Variants in GLIS2 observed in about 807,000 individuals in gnomAD.
GLIS2 encodes zinc finger protein GLIS2.
A neutral mutation model predicts 35.6 loss-of-function variants in GLIS2; 14 were observed. The observed-to-expected ratio is 0.39, with a 90% confidence interval of 0.26 to 0.61. GLIS2 has a LOEUF of 0.61. Ranked by LOEUF, GLIS2 falls within the 20% of genes least tolerant of loss-of-function variation. The pLI is 0.48. For synonymous variants in GLIS2, 368 were observed against 325.1 expected (o/e 1.13, Z -1.42); for missense variants, 675 against 713.4 (o/e 0.95, Z 0.61).
At chr16:4,323,061 G>A (rs2053394886) in intron 1 of GLIS2, among the ~76,000 whole-genome samples, 1 of 152,240 alleles carries the variant, frequency 6.6e-6, no homozygotes, top group African/African-American at 2.4e-5. Context: ...GTGCACAGGT[G>A]TCTGTACATC....
rs562215628 is a variant in GLIS2 at position 4,338,498 on chromosome 16, A to G, written c.*974A>G. ...GGAGGCTGGCTGGGGACGACCGACC[A>G]CAGGCTGGGACACAGCTCCTGGTCT... On this transcript the variant is annotated 3_prime_UTR_variant, in exon 7 of 7. Coordinates refer to ENST00000433375, the MANE Select transcript of GLIS2 (RefSeq NM_032575.3). The G allele has an allele frequency of 1.3e-5, 2 of 152,830 alleles. No homozygotes were observed. Among genetic ancestry groups the G allele is most frequent in the South Asian group, 2.1e-4 (1 of 4,832 alleles). 9.5% of individuals were successfully genotyped at this position (152,830 alleles called of 1,614,324 possible).
At chr16:4,323,369 C>T (rs888412206) in intron 1 of GLIS2, among the ~76,000 whole-genome samples, 5 of 152,148 alleles carry the variant, frequency 3.3e-5, no homozygotes, top group Non-Finnish European at 5.9e-5. Context: ...CAGGTGCAGG[C>T]GGTGATCATA....
intron 6 of GLIS2, chr16:4,336,341 C>T (rs1324911426): frequency 2.5e-6 from 1 of 408,150 alleles, no homozygotes; most frequent in Non-Finnish European, 4.6e-6. Flanking sequence ...GAGACGGGGT[C>T]TCACCATGTT....
At chr16:4,329,283 C>A (rs983031576) in intron 1 of GLIS2, 6 of 152,242 alleles carry the variant, frequency 3.9e-5, no homozygotes, top group Non-Finnish European at 1.5e-5. Context: ...CCATCCATCA[C>A]TGTCACCCAC....
At chr16:4,336,318 C>G (rs1041081314) in intron 6 of GLIS2, 2 of 343,298 alleles carry the variant, frequency 5.8e-6, no homozygotes, top group South Asian at 2.8e-5. Flanking sequence ...AGCTAGTTTT[C>G]GTAGTTTTAG....
chr16:4,323,458 A>AGT (rs1040162691), intron 1 of GLIS2, among the ~76,000 whole-genome samples: 1 of 151,272 alleles, frequency 6.6e-6, no homozygotes, highest in African/African-American at 2.5e-5. Flanking sequence ...GCGGGCAGGC[A>AGT]GCGGGGGGGT....
rs952378592 is a variant in GLIS2 at position 4,332,516 on chromosome 16, G to GCC, written c.172+65_172+66dup. 6.4e-7 allele frequency: 1 copy of GCC among 1,565,506 alleles called. No individual in the cohort carries two copies. Among genetic ancestry groups the GCC allele is most frequent in the Non-Finnish European group, 8.7e-7 (1 of 1,153,780 alleles). Reference sequence around the variant, plus strand: ...TCCAGTCATGGTGACAGGGAGAATGGCCAAGTGTGTCCACCAGCATGTAGC... The same window carrying GCC: ...TCCAGTCATGGTGACAGGGAGAATGGCCCCAAGTGTGTCCACCAGCATGTAGC... On this transcript the variant is annotated intron_variant, in intron 2 of 6. Transcript: ENST00000433375. The surrounding 1 kb of genome is among the most constrained non-coding windows in gnomAD (Gnocchi z 5.4).
At position 4,319,572 on chromosome 16, in the gene GLIS2, G is replaced by A. The variant is rs117459426; in HGVS notation, c.-67+3318G>A. Among the ~76,000 whole-genome samples the A allele has an allele frequency of 4.9e-3, 749 of 152,268 alleles. 3 individuals carry two copies. Among genetic ancestry groups the A allele is most frequent in the Non-Finnish European group, 7.0e-3 (479 of 68,002 alleles). ...GGACCACAGCCCTAGCGAGTCTCCC[G>A]GGCCACATCTGCCTCTCAGTGGTTT... is the stretch of plus-strand genomic sequence containing the variant. On this transcript the variant is annotated intron_variant, in intron 1 of 6. Transcript: ENST00000433375.
Position 4,335,003 on chromosome 16 carries a change from G to T in GLIS2, c.522+26G>T. 1 of 1,613,302 alleles carries T rather than the reference G, an allele frequency of 6.2e-7. No individual in the cohort carries two copies. The highest frequency in any genetic ancestry group is 1.1e-5 in the South Asian group (1 of 91,088). On this transcript the variant is annotated intron_variant, in intron 4 of 6. Coordinates refer to ENST00000433375, the MANE Select transcript of GLIS2 (RefSeq NM_032575.3). This position sits in a 1 kb window ranked among gnomAD's most constrained non-coding sequence, Gnocchi z 4.6. ...GTGAGTGGGGGCCAGCAAGAGTAGT[G>T]TGGAGTCTGGGGCAGGTCACCCCGC...
chr16:4,324,848 C>G (rs764415178), intron 1 of GLIS2: 1 of 152,236 alleles, frequency 6.6e-6, no homozygotes, highest in Non-Finnish European at 1.5e-5. Context: ...TGAAGAGACA[C>G]GCAAAGGGAG....
rs772155768 is a variant in GLIS2 at position 4,336,751 on chromosome 16, G to C, written c.802G>C (p.Glu268Gln). Residue 268 changes from glutamate (E) to glutamine (Q), a missense_variant, in exon 7 of 7, where the codon GAG (glutamate) becomes CAG (glutamine). Transcript: ENST00000433375. ...TGAGAAGCCCTACGTCTGCCCCTAC[G>C]AGGGCTGCAACAAGCGCTATTCCAA... ...TGEKPYVCPY[E>Q]GCNKRYSNSS... 6.2e-7 allele frequency: 1 copy of C among 1,608,528 alleles called. No homozygotes were observed. The highest frequency in any genetic ancestry group is 8.5e-7 in the Non-Finnish European group (1 of 1,178,006).
rs377192040 is a variant in GLIS2 at position 4,327,383 on chromosome 16, C to G, written c.-66-4832C>G. On this transcript the variant is annotated intron_variant, in intron 1 of 6. Coordinates refer to ENST00000433375, the MANE Select transcript of GLIS2 (RefSeq NM_032575.3). ...GGTCAGTACCTAATGGTCCTTTACC[C>G]CCTCTGGTGTATGACCCACCCCAGG... is the stretch of plus-strand genomic sequence containing the variant. Among the ~76,000 whole-genome samples, 138 of 152,354 alleles carry G rather than the reference C, an allele frequency of 9.1e-4. 2 individuals are homozygous for G. The East Asian group carries it at 0.019, about 21-fold the overall frequency.
intron 1 of GLIS2, among the ~76,000 whole-genome samples, chr16:4,321,834 G>T (rs2053382691): frequency 6.6e-6 from 1 of 152,204 alleles, no homozygotes; most frequent in Non-Finnish European, 1.5e-5. Context: ...GCCTGGGGCT[G>T]AAGGTCGGCG....
Position 4,332,549 on chromosome 16 carries a change from CCT to C in GLIS2, c.172+101_172+102del, listed in dbSNP as rs2053509571. 5.7e-6 allele frequency: 8 copies of C among 1,411,068 alleles called. No homozygotes were observed. The highest frequency in any genetic ancestry group is 1.9e-5 in the Admixed American group (1 of 52,520). The allele number at this position is 1,411,068 out of a possible 1,614,324, so 87.4% of individuals were successfully genotyped here. A position where few individuals can be genotyped will look rare whatever the true frequency, so the allele number is the denominator to read the frequency against. ...TGTCCACCAGCATGTAGCTGCAGCC[CCT>C]CTCGGCTTCCGGTTCATGGGAAGCC... On this transcript the variant is annotated intron_variant, in intron 2 of 6. Transcript: ENST00000433375. The surrounding 1 kb of genome is among the most constrained non-coding windows in gnomAD (Gnocchi z 5.4).
chr16:4,324,145 C>T (rs982002501), intron 1 of GLIS2, among the ~76,000 whole-genome samples: 3 of 152,180 alleles, frequency 2.0e-5, no homozygotes, highest in Non-Finnish European at 4.4e-5. Flanking sequence ...GGGGTCTGCC[C>T]TCCCAAAAGG....
chr16:4,324,278 C>T (rs2053407702), intron 1 of GLIS2, among the ~76,000 whole-genome samples: 1 of 152,160 alleles, frequency 6.6e-6, no homozygotes, highest in Non-Finnish European at 1.5e-5. Flanking sequence ...TGGCCCCTCT[C>T]CTGGGATCTG....
In GLIS2 at chr16:4,332,338, G is replaced by T; in HGVS notation, c.58G>T (p.Ala20Ser). Residue 20 changes from alanine (A) to serine (S), a missense_variant, in exon 2 of 7, where the codon GCA (alanine) becomes TCA (serine). Ala to Ser is a moderately conservative substitution (Grantham distance 99). Around this residue, in one of 3 missense-constraint regions of GLIS2, gnomAD observed 225 missense variants for 238.7 expected, o/e 0.94. Coordinates refer to ENST00000433375, the MANE Select transcript of GLIS2 (RefSeq NM_032575.3). The surrounding 1 kb of genome is among the most constrained non-coding windows in gnomAD (Gnocchi z 5.4). ...LKLSITKLRA[A>S]REKRERTLGV... ...GCTGAGTATCACCAAGCTCCGGGCGGCAAGAGAGAAGCGGGAGAGGACGCT... is the reference window on the plus strand; with the variant it reads ...GCTGAGTATCACCAAGCTCCGGGCGTCAAGAGAGAAGCGGGAGAGGACGCT... 6.2e-7 allele frequency: 1 copy of T among 1,613,212 alleles called. No homozygotes were observed. The highest frequency in any genetic ancestry group is 8.5e-7 in the Non-Finnish European group (1 of 1,180,006).
chr16:4,315,928 G>A (rs2053305012), upstream of GLIS2, among the ~76,000 whole-genome samples: 1 of 148,828 alleles, frequency 6.7e-6, no homozygotes, highest in African/African-American at 2.5e-5. Context: ...GAGGGGAGGG[G>A]TGGAGGCCGC....
chr16:4,327,250 C>G (rs1160426402), intron 1 of GLIS2, among the ~76,000 whole-genome samples: 1 of 152,222 alleles, frequency 6.6e-6, no homozygotes, highest in Non-Finnish European at 1.5e-5. Flanking sequence ...GCCTAGTGAT[C>G]TCAAGCCTCA....
Sources: allele counts gnomAD v4.1 joint callset (sites outside exome capture counted in the v4.1 genomes callset), GRCh38; gene constraint gnomAD v4.1.1; regional missense constraint gnomAD v4.1.1; non-coding constraint Gnocchi (gnomAD v3.1); transcripts MANE v1.5; gene names NCBI Gene and HGNC (gene_info 2026-07-23, HGNC 2026-07-21).